The following ZNF625 variants were observed in gnomAD, a reference collection of about 807,000 sequenced individuals.
ZNF625 encodes zinc finger protein 625.
A neutral mutation model predicts 11.1 loss-of-function variants in ZNF625; 8 were observed. That is an observed-to-expected ratio of 0.72 (90% CI 0.42 to 1.30). ZNF625 has a LOEUF of 1.30. Among genes scored for constraint, ZNF625 ranks in the 50% most tolerant of loss-of-function variants. The probability of loss-of-function intolerance (pLI) is 0.01; values close to 1 mark genes in which losing one functional copy is unlikely to be tolerated. For synonymous variants in ZNF625, 145 were observed against 153.4 expected (o/e 0.95, Z 0.41); for missense variants, 349 against 447.6 (o/e 0.78, Z 1.99).
chr19:12,153,683 C>CAA (rs71166658), intron 1 of ZNF625, among the ~76,000 whole-genome samples: 8,061 of 121,764 alleles, frequency 0.066, 261 homozygotes, highest in South Asian at 0.098. Flanking sequence ...GTCTCTGTGT[C>CAA]AAAAAAAAAA....
chr19:12,156,489 G>C (rs1977029042), intron 1 of ZNF625, 67 bp downstream of exon 1: 10 of 1,341,178 alleles, frequency 7.5e-6, no homozygotes, highest in Non-Finnish European at 9.7e-6. Context: ...GGTCCTGCTA[G>C]AGCCGGTTCG....
rs368401338 is a variant in ZNF625 at position 12,145,983 on chromosome 19, T to C, written c.433A>G (p.Ser145Gly). Residue 145 changes from serine (S) to glycine (G), a missense_variant, in exon 4 of 4, where the codon AGT becomes GGT. By Grantham distance (56) the Ser-to-Gly change is moderately conservative. Transcript: ENST00000439556. ...YKCTYCKKAF[S>G]DLPYFRTHEW... ...TGTGTTCGAAAGTAGGGGAGATCAC[T>C]GAAGGCTTTCTTACAGTATGTACAT... 1.2e-6 allele frequency: 2 copies of C among 1,614,238 alleles called. No homozygotes were observed. Among genetic ancestry groups the C allele is most frequent in the South Asian group, 2.2e-5 (2 of 91,080 alleles).
intron 1 of ZNF625, 44 bp downstream of exon 1, chr19:12,156,512 C>T: frequency 7.1e-7 from 1 of 1,411,398 alleles, no homozygotes; most frequent in Non-Finnish European, 9.2e-7. Flanking sequence ...CCGGTTCCTC[C>T]CGGCCCCTCC....
chr19:12,150,755 T>C (rs561278140), intron 1 of ZNF625, among the ~76,000 whole-genome samples: 1 of 152,242 alleles, frequency 6.6e-6, no homozygotes, highest in African/African-American at 2.4e-5. Flanking sequence ...GCTCTCTCCC[T>C]GTGGGAAGGA....
chr19:12,151,742 T>C (rs1193972769), intron 1 of ZNF625, among the ~76,000 whole-genome samples: 1 of 152,072 alleles, frequency 6.6e-6, no homozygotes, highest in Non-Finnish European at 1.5e-5. Flanking sequence ...CTTAAACTCC[T>C]AGGCTCAAGA....
intron 1 of ZNF625, among the ~76,000 whole-genome samples, chr19:12,148,577 C>G (rs936917794): frequency 4.0e-5 from 6 of 151,754 alleles, no homozygotes; most frequent in Non-Finnish European, 7.4e-5. Flanking sequence ...TGGCTCAGCC[C>G]CTATGGAATA....
At chr19:12,148,623 ATT>A (rs57893180) in intron 1 of ZNF625, among the ~76,000 whole-genome samples, 24,755 of 138,034 alleles carry the variant, frequency 0.18, 2,446 homozygotes, top group African/African-American at 0.29. Flanking sequence ...TATAACTACC[ATT>A]TTTTTTTTTT....
At chr19:12,146,288 A>G in intron 3 of ZNF625, 64 bp from the exon 4 acceptor site, 1 of 1,451,580 alleles carries the variant, frequency 6.9e-7, no homozygotes, top group South Asian at 1.3e-5. Flanking sequence ...TTCATTAACA[A>G]GTCATTGCAC....
At chr19:12,153,846 C>T (rs1482642622) in intron 1 of ZNF625, among the ~76,000 whole-genome samples, 5 of 124,124 alleles carry the variant, frequency 4.0e-5, no homozygotes, top group Non-Finnish European at 6.5e-5. Flanking sequence ...CTTGCTCTGT[C>T]CCCCAGGCTG....
In ZNF625 at chr19:12,147,788, A is replaced by G. The variant is rs761750039; in HGVS notation, c.18T>C (p.Phe6=). The part of the protein sequence containing the change: MDSVV[F]EDVDVNFTQE... ...GGGTGAAGTTCACATCTACATCCTCAAAGACCACTGAATCCTGAAACATCC... is the reference window on the plus strand; with the variant it reads ...GGGTGAAGTTCACATCTACATCCTCGAAGACCACTGAATCCTGAAACATCC... Residue 6 remains phenylalanine (F), a synonymous_variant, in exon 2 of 4, where the codon TTT becomes TTC. Transcript: ENST00000439556. 6.2e-7 allele frequency: 1 copy of G among 1,614,070 alleles called. No individual in the cohort carries two copies. Among genetic ancestry groups the G allele is most frequent in the African/African-American group, 1.3e-5 (1 of 75,050 alleles).
chr19:12,155,430 A>T (rs140411572), intron 1 of ZNF625, among the ~76,000 whole-genome samples: 3 of 151,986 alleles, frequency 2.0e-5, no homozygotes, highest in African/African-American at 7.3e-5. Flanking sequence ...CCCCTTTCAA[A>T]TTTTAGACAC....
intron 3 of ZNF625, among the ~76,000 whole-genome samples, chr19:12,146,932 G>A (rs1434771615): frequency 1.3e-5 from 2 of 148,718 alleles, no homozygotes; most frequent in Non-Finnish European, 1.5e-5. Flanking sequence ...AAGCCAGGAT[G>A]TTCAGCCTAT....
rs192917760 is a variant in ZNF625 at position 12,152,387 on chromosome 19, C to G, written c.3+4169G>C. ...AGAGAATCCTATAACAATATCATAC[C>G]CGTGATGAAGTGGCATTCAATTCAG... On this transcript the variant is annotated intron_variant, in intron 1 of 3. Transcript: ENST00000439556. Among the ~76,000 whole-genome samples the G allele has an allele frequency of 3.3e-5, 5 of 152,146 alleles. No homozygotes were observed. The East Asian group carries it at 9.6e-4, about 29-fold the overall frequency.
chr19:12,150,019 G>A (rs1430934188), intron 1 of ZNF625, among the ~76,000 whole-genome samples: 1 of 152,204 alleles, frequency 6.6e-6, no homozygotes, highest in Non-Finnish European at 1.5e-5. Context: ...GATTACAGGT[G>A]TGAGCCACCA....
Position 12,147,472 on chromosome 19 carries a change from G to C in ZNF625, c.131-17C>G. 1.3e-6 allele frequency: 2 copies of C among 1,527,078 alleles called. No homozygotes were observed. The highest frequency in any genetic ancestry group is 1.8e-6 in the Non-Finnish European group (2 of 1,141,286). The allele number at this position is 1,527,078 out of a possible 1,614,324, so 94.6% of individuals were successfully genotyped here. ...ATTTTTTTCCTAAAATACAGAACCA[G>C]AAAAATAGTCCTGAATTAGCAAAAT... is the stretch of plus-strand genomic sequence containing the variant. On this transcript the variant is annotated splice_polypyrimidine_tract_variant and intron_variant, in intron 2 of 3. Transcript: ENST00000439556.
chr19:12,148,931 A>G (rs1293954201), intron 1 of ZNF625, among the ~76,000 whole-genome samples: 1 of 151,888 alleles, frequency 6.6e-6, no homozygotes, highest in East Asian at 1.9e-4. Context: ...CAAAATTAAC[A>G]TATCTTTCAG....
At chr19:12,155,147 A>T (rs183548204) in intron 1 of ZNF625, among the ~76,000 whole-genome samples, 1 of 149,772 alleles carries the variant, frequency 6.7e-6, no homozygotes, top group Admixed American at 6.7e-5. Context: ...AATTGCTTGA[A>T]CCTAGGAGGC....
intron 3 of ZNF625, among the ~76,000 whole-genome samples, chr19:12,146,483 G>T (rs1410022398): frequency 6.6e-6 from 1 of 152,150 alleles, no homozygotes; most frequent in African/African-American, 2.4e-5. Flanking sequence ...ATCCAGGCTG[G>T]AGTGCGGTGG....
intron 1 of ZNF625, among the ~76,000 whole-genome samples, chr19:12,151,570 G>A (rs937631290): frequency 1.3e-5 from 2 of 151,822 alleles, no homozygotes; most frequent in South Asian, 2.1e-4. Context: ...TAGTAGAGAC[G>A]GGGTTTCACC....
Sources: allele counts gnomAD v4.1 joint callset (sites outside exome capture counted in the v4.1 genomes callset), GRCh38; gene constraint gnomAD v4.1.1; transcripts MANE v1.5; gene names NCBI Gene and HGNC (gene_info 2026-07-23, HGNC 2026-07-21).